HORMAD2: variants seen among roughly 807,000 people sequenced by gnomAD.
HORMAD2 encodes HORMA domain containing 2.
A neutral mutation model predicts 38.8 loss-of-function variants in HORMAD2; 45 were observed. The observed-to-expected ratio is 1.16, with a 90% CI of 0.91 to 1.49. HORMAD2 has a LOEUF of 1.49. HORMAD2 is among the 40% of genes most tolerant of loss of function. The pLI is 0.00. For missense variants in HORMAD2, 338 were observed against 367.0 expected, an observed-to-expected ratio of 0.92 and a Z score of 0.65; for synonymous variants, 126 against 122.8, an observed-to-expected ratio of 1.03 and a Z score of -0.17.
the HORMAD2 span, among the ~76,000 whole-genome samples, chr22:30,205,147 T>C: frequency 0.011 from 1,630 of 152,278 alleles, 26 homozygotes; most frequent in African/African-American, 0.036. Context: ...GTTCTGCATG[T>C]GGATCCTCTT....
At chr22:30,194,126 A>G in the HORMAD2 span, among the ~76,000 whole-genome samples, 2 of 152,338 alleles carry the variant, frequency 1.3e-5, no homozygotes, top group South Asian at 2.1e-4. Context: ...AAGCCACTGA[A>G]GTATTGTCAT....
At chr22:30,089,651 G>C (rs918743700) in intron 1 of HORMAD2, among the ~76,000 whole-genome samples, 34 of 152,132 alleles carry the variant, frequency 2.2e-4, no homozygotes, top group African/African-American at 8.2e-4. Context: ...ATGCCCGGCT[G>C]CTTCTTTTTT....
intron 1 of HORMAD2, among the ~76,000 whole-genome samples, chr22:30,080,857 G>A (rs1197964247): frequency 1.3e-5 from 2 of 152,118 alleles, no homozygotes; most frequent in Non-Finnish European, 2.9e-5. Flanking sequence ...GGAGGGGGCC[G>A]TGTGTGGTGG....
At chr22:30,106,094 T>G (rs1287241897) in intron 5 of HORMAD2, among the ~76,000 whole-genome samples, 3 of 152,180 alleles carry the variant, frequency 2.0e-5, no homozygotes, top group African/African-American at 7.2e-5. Flanking sequence ...CACTGCAACC[T>G]CCGCCTCCCA....
intron 2 of HORMAD2, among the ~76,000 whole-genome samples, chr22:30,095,082 A>G (rs1301502526): frequency 6.6e-6 from 1 of 152,148 alleles, no homozygotes; most frequent in Non-Finnish European, 1.5e-5. Context: ...CAGTAATCCA[A>G]TTAAGAAACT....
At chr22:30,121,138 C>G (rs1165623053) in intron 8 of HORMAD2, among the ~76,000 whole-genome samples, 1 of 152,124 alleles carries the variant, frequency 6.6e-6, no homozygotes. Context: ...CTGTAGTAAT[C>G]AATGCAAGAG....
At chr22:30,146,837 A>G (rs1263270566) in intron 10 of HORMAD2, among the ~76,000 whole-genome samples, 1 of 152,208 alleles carries the variant, frequency 6.6e-6, no homozygotes, top group African/African-American at 2.4e-5. Context: ...CTAATATATA[A>G]TACATGAATT....
intron 10 of HORMAD2, among the ~76,000 whole-genome samples, chr22:30,173,363 G>A (rs191261552): frequency 6.6e-6 from 1 of 152,360 alleles, no homozygotes; most frequent in East Asian, 1.9e-4. Context: ...GTGATTGGGA[G>A]AGATGATGTT....
downstream of HORMAD2, among the ~76,000 whole-genome samples, chr22:30,178,004 A>G (rs1327574084): frequency 1.3e-5 from 2 of 152,060 alleles, no homozygotes; most frequent in Non-Finnish European, 2.9e-5. Flanking sequence ...TAACTCTACA[A>G]TTGTCAGTTG....
At chr22:30,128,940 C>T (rs1041045777) in intron 10 of HORMAD2, among the ~76,000 whole-genome samples, 5 of 152,072 alleles carry the variant, frequency 3.3e-5, no homozygotes, top group African/African-American at 9.7e-5. Flanking sequence ...CCTGGCCGGG[C>T]GCGGTGGCTC....
chr22:30,202,116 A>T, the HORMAD2 span, among the ~76,000 whole-genome samples: 2 of 152,140 alleles, frequency 1.3e-5, no homozygotes, highest in Non-Finnish European at 2.9e-5. Context: ...GTTGTAACTT[A>T]CCTCATCCTT....
At position 30,118,970 on chromosome 22, in the gene HORMAD2, G is replaced by T. The variant is rs1208026435; in HGVS notation, c.343-10G>T. On this transcript the variant is annotated splice_polypyrimidine_tract_variant and intron_variant, in intron 7 of 10. Coordinates refer to ENST00000336726, the MANE Select transcript of HORMAD2 (RefSeq NM_152510.4). ...TTCTTTTTTTTCTTTATTTCCTTTGGTTTTTGTAGAAGGTGACTGAGATGT... is the reference window on the plus strand; with the variant it reads ...TTCTTTTTTTTCTTTATTTCCTTTGTTTTTTGTAGAAGGTGACTGAGATGT... The T allele has an allele frequency of 6.4e-7, 1 of 1,560,936 alleles. No individual in the cohort carries two copies. The highest frequency in any genetic ancestry group is 8.7e-7 in the Non-Finnish European group (1 of 1,149,402).
rs186397642 is a variant in HORMAD2 at position 30,173,011 on chromosome 22, G to A, written c.820-3052G>A. Among the ~76,000 whole-genome samples, 12 of 152,270 alleles carry A rather than the reference G, an allele frequency of 7.9e-5. No homozygotes were observed. The East Asian group carries it at 2.3e-3, about 29-fold the overall frequency. Reference sequence around the variant, plus strand: ...GGGGTAAGAACAGAACACAGCTGTGGGGGTGTCAGGGAAGCCCAGCAGGCA... The same window carrying A: ...GGGGTAAGAACAGAACACAGCTGTGAGGGTGTCAGGGAAGCCCAGCAGGCA... On this transcript the variant is annotated intron_variant, in intron 10 of 10. Transcript: ENST00000336726.
chr22:30,151,509 G>A (rs894036116), intron 10 of HORMAD2, among the ~76,000 whole-genome samples: 3 of 152,050 alleles, frequency 2.0e-5, no homozygotes, highest in African/African-American at 7.2e-5. Context: ...ATTTCAACAT[G>A]AAAAATACTT....
the HORMAD2 span, among the ~76,000 whole-genome samples, chr22:30,204,879 T>G: frequency 6.6e-6 from 1 of 152,198 alleles, no homozygotes; most frequent in African/African-American, 2.4e-5. Context: ...GGAGAGCAGC[T>G]GCCAAGCCAT....
At chr22:30,201,854 G>T in the HORMAD2 span, among the ~76,000 whole-genome samples, 1 of 152,138 alleles carries the variant, frequency 6.6e-6, no homozygotes, top group South Asian at 2.1e-4. Flanking sequence ...AAAAGCATTT[G>T]TCCTGATAAA....
chr22:30,181,883 G>A (rs143398038), downstream of HORMAD2, among the ~76,000 whole-genome samples: 721 of 152,352 alleles, frequency 4.7e-3, 8 homozygotes, highest in African/African-American at 0.016. Context: ...GCTGTAATGA[G>A]TTCCTTATCA....
At chr22:30,170,145 A>G (rs1272250120) in intron 10 of HORMAD2, among the ~76,000 whole-genome samples, 1 of 152,178 alleles carries the variant, frequency 6.6e-6, no homozygotes, top group Non-Finnish European at 1.5e-5. Flanking sequence ...GCCAAATCCA[A>G]AGATTCTAGA....
chr22:30,151,744 G>T (rs562356232), intron 10 of HORMAD2, among the ~76,000 whole-genome samples: 3 of 151,978 alleles, frequency 2.0e-5, no homozygotes, highest in Non-Finnish European at 4.4e-5. Context: ...ACTAGTCTCA[G>T]TTTAGGAAAA....
Sources: allele counts gnomAD v4.1 joint callset (sites outside exome capture counted in the v4.1 genomes callset), GRCh38; gene constraint gnomAD v4.1.1; transcripts MANE v1.5; gene names NCBI Gene and HGNC (gene_info 2026-07-23, HGNC 2026-07-21).